The following FHIT variants were observed in gnomAD, a reference collection of about 807,000 sequenced individuals.
FHIT encodes the protein bis(5'-adenosyl)-triphosphatase.
FHIT carries 19 observed loss-of-function variants against 17.9 expected under a neutral mutation model. The ratio of observed to expected loss-of-function variants is 1.06; its 90% CI spans 0.74 to 1.56. The LOEUF (loss-of-function observed/expected upper bound fraction) is 1.56. FHIT is among the 40% of genes most tolerant of loss of function. The probability of loss-of-function intolerance (pLI) is 0.00; values close to 1 mark genes in which losing one functional copy is unlikely to be tolerated. For synonymous variants in FHIT, 81 were observed against 69.7 expected (o/e 1.16, Z -0.81); for missense variants, 248 against 189.2 (o/e 1.31, Z -1.82).
intron 1 of FHIT, among the ~76,000 whole-genome samples, chr3:61,213,395 A>C (rs1385236977): frequency 6.6e-6 from 1 of 152,246 alleles, no homozygotes; most frequent in East Asian, 1.9e-4. Context: ...AACAAAGATC[A>C]AAAGAGAGAA....
chr3:60,587,585 T>C (rs1251764988), intron 4 of FHIT, among the ~76,000 whole-genome samples: 2 of 151,996 alleles, frequency 1.3e-5, no homozygotes, highest in African/African-American at 4.8e-5. Flanking sequence ...GAAAGGAATT[T>C]AGAGAAATGT....
chr3:60,423,860 G>A (rs1353425639), intron 5 of FHIT, among the ~76,000 whole-genome samples: 1 of 152,016 alleles, frequency 6.6e-6, no homozygotes, highest in Non-Finnish European at 1.5e-5. Context: ...TTTTTTAAGT[G>A]TAGTTTTCCT....
chr3:60,340,933 G>A (rs754074369), intron 5 of FHIT, among the ~76,000 whole-genome samples: 2 of 152,040 alleles, frequency 1.3e-5, no homozygotes, highest in Non-Finnish European at 2.9e-5. Context: ...CTTGTGATGC[G>A]CCCATCTCAG....
rs569076509 is a variant in FHIT, at chr3:59,967,018, TTTTA to T, written c.279+44349_279+44352del. Among the ~76,000 whole-genome samples the T allele has an allele frequency of 4.4e-3, 671 of 152,214 alleles. 5 individuals are homozygous for T. Among genetic ancestry groups the T allele is most frequent in the African/African-American group, 0.015 (621 of 41,528 alleles). On this transcript the variant is annotated intron_variant, in intron 7 of 9. Transcript: ENST00000492590. ...CTTTCTTTATTCTATTTTTAAAACCTTTTATTTTTTACTTTTTACACTTTTGTGT... is the reference window on the plus strand; with the variant it reads ...CTTTCTTTATTCTATTTTTAAAACCTTTTTTTACTTTTTACACTTTTGTGT...
intron 4 of FHIT, among the ~76,000 whole-genome samples, chr3:60,605,723 G>A (rs2038586974): frequency 6.6e-6 from 1 of 152,120 alleles, no homozygotes; most frequent in Admixed American, 6.5e-5. Context: ...TTCTGCTAGA[G>A]GTACGGACAG....
chr3:60,471,709 G>A (rs564406327), intron 5 of FHIT, among the ~76,000 whole-genome samples: 3 of 151,904 alleles, frequency 2.0e-5, no homozygotes, highest in Admixed American at 6.5e-5. Flanking sequence ...TCTTATGAAG[G>A]TACTTTTTTG....
At chr3:61,021,598 C>CAAAAAA (rs34870709) in intron 3 of FHIT, among the ~76,000 whole-genome samples, 54 of 63,800 alleles carry the variant, frequency 8.5e-4, no homozygotes, top group Non-Finnish European at 1.1e-3. Flanking sequence ...GACTCCGTCT[C>CAAAAAA]AAAAAAAAAA....
intron 2 of FHIT, among the ~76,000 whole-genome samples, chr3:61,172,470 T>G (rs570519131): frequency 3.2e-4 from 49 of 152,300 alleles, no homozygotes; most frequent in African/African-American, 1.1e-3. Context: ...AGAGGGGAGC[T>G]GAGGCACGAG....
chr3:60,624,577 G>T (rs1201560154), intron 4 of FHIT, among the ~76,000 whole-genome samples: 1 of 152,162 alleles, frequency 6.6e-6, no homozygotes, highest in Non-Finnish European at 1.5e-5. Flanking sequence ...TTCAAGAAGG[G>T]TGGGAATGGA....
intron 5 of FHIT, among the ~76,000 whole-genome samples, chr3:60,077,103 A>T (rs1247422341): frequency 6.6e-6 from 1 of 152,076 alleles, no homozygotes; most frequent in African/African-American, 2.4e-5. Flanking sequence ...TCAAAAGAGA[A>T]GTGTTGCTGA....
At chr3:60,298,078 C>T (rs1040880169) in intron 5 of FHIT, among the ~76,000 whole-genome samples, 1 of 151,860 alleles carries the variant, frequency 6.6e-6, no homozygotes, top group Non-Finnish European at 1.5e-5. Context: ...GGAGTGTAGA[C>T]CTTCCCTCTC....
At chr3:60,880,569 C>T (rs559138928) in intron 3 of FHIT, among the ~76,000 whole-genome samples, 3 of 152,290 alleles carry the variant, frequency 2.0e-5, no homozygotes, top group South Asian at 2.1e-4. Flanking sequence ...CCTGTCTCTA[C>T]TCAACACACA....
chr3:60,301,597 A>G (rs567959378), intron 5 of FHIT, among the ~76,000 whole-genome samples: 18 of 152,268 alleles, frequency 1.2e-4, no homozygotes, highest in Middle Eastern at 3.4e-3. Flanking sequence ...TCCTTTTGAC[A>G]TACCCCCCAG....
intron 5 of FHIT, among the ~76,000 whole-genome samples, chr3:60,151,788 C>T (rs1700475599): frequency 6.6e-6 from 1 of 152,160 alleles, no homozygotes; most frequent in Non-Finnish European, 1.5e-5. Context: ...GTTTACTGCA[C>T]CAATCTCATA....
chr3:60,586,816 C>T lies in FHIT; in HGVS notation c.-17-49837G>A, dbSNP rs534179820. ...ATGAAAACTCATGGATACAAAGAGG[C>T]GAACAATAGACAATGGGACCTGCTT... On this transcript the variant is annotated intron_variant, in intron 4 of 9. Transcript: ENST00000492590. Among the ~76,000 whole-genome samples, 262 of 151,714 alleles carry T rather than the reference C, an allele frequency of 1.7e-3. 4 individuals carry two copies. The highest frequency in any genetic ancestry group is 0.014 in the South Asian group (68 of 4,794).
intron 5 of FHIT, among the ~76,000 whole-genome samples, chr3:60,498,304 A>C (rs1447247715): frequency 6.6e-6 from 1 of 152,244 alleles, no homozygotes; most frequent in Non-Finnish European, 1.5e-5. Flanking sequence ...GAAACAATTC[A>C]ATAAATGATG....
chr3:60,510,352 T>C (rs143644643), intron 5 of FHIT, among the ~76,000 whole-genome samples: 12 of 152,340 alleles, frequency 7.9e-5, no homozygotes, highest in African/African-American at 2.6e-4. Flanking sequence ...GTTAAGTTTC[T>C]ATAAGAGTTT....
intron 4 of FHIT, among the ~76,000 whole-genome samples, chr3:60,623,960 T>C (rs1413124665): frequency 6.6e-6 from 1 of 152,230 alleles, no homozygotes; most frequent in Non-Finnish European, 1.5e-5. Flanking sequence ...TAGTGTTTGC[T>C]TTTGAAAAAT....
intron 5 of FHIT, among the ~76,000 whole-genome samples, chr3:60,497,779 A>G (rs557004847): frequency 3.9e-5 from 6 of 152,318 alleles, no homozygotes; most frequent in African/African-American, 1.2e-4. Flanking sequence ...GATGATCTAG[A>G]ACAGTGGGCT....
Sources: allele counts gnomAD v4.1 joint callset (sites outside exome capture counted in the v4.1 genomes callset), GRCh38; gene constraint gnomAD v4.1.1; transcripts MANE v1.5; gene names NCBI Gene and HGNC (gene_info 2026-07-23, HGNC 2026-07-21).